JCAD: variants seen among roughly 807,000 people sequenced by gnomAD.
JCAD encodes the protein junctional cadherin 5-associated protein.
Under a neutral mutation model 98.0 loss-of-function variants are expected in JCAD, and 40 were observed. The observed-to-expected ratio is 0.41, with a 90% CI of 0.32 to 0.53. The LOEUF is 0.53. Among genes scored for constraint, JCAD ranks in the 20% least tolerant of loss-of-function variants. JCAD has a pLI of 0.31. For missense variants in JCAD, 1,705 were observed against 1,738.1 expected (o/e 0.98, Z 0.34); for synonymous variants, 691 against 682.3 (o/e 1.01, Z -0.20).
rs1564434488 is a variant in JCAD, at chr10:30,013,931, A to C, written c.*3952T>G. The C allele has an allele frequency of 6.6e-6, 1 of 152,264 alleles. No individual in the cohort carries two copies. Among genetic ancestry groups the C allele is most frequent in the Non-Finnish European group, 1.5e-5 (1 of 68,054 alleles). 9.4% of individuals were successfully genotyped at this position (152,264 alleles called of 1,614,324 possible). Reference sequence around the variant, plus strand: ...TGAACCAAGGACTGTTTCGACAGGCAGGTTGCTAGCCCACATCAACCTTTT... The same window carrying C: ...TGAACCAAGGACTGTTTCGACAGGCCGGTTGCTAGCCCACATCAACCTTTT... On this transcript the variant is annotated 3_prime_UTR_variant, in exon 4 of 4. Coordinates refer to ENST00000375377, the MANE Select transcript of JCAD (RefSeq NM_020848.4).
intron 1 of JCAD, among the ~76,000 whole-genome samples, chr10:30,056,263 A>G (rs903183883): frequency 2.6e-5 from 4 of 152,192 alleles, no homozygotes; most frequent in African/African-American, 9.7e-5. Context: ...TTGTTTTTAA[A>G]TATCTTCAGA....
chr10:30,057,323 ATTTATT>A, intron 1 of JCAD, among the ~76,000 whole-genome samples: 1 of 152,290 alleles, frequency 6.6e-6, no homozygotes, highest in African/African-American at 2.4e-5. Context: ...CATTTCTAGG[ATTTATT>A]TTTAAATTGC....
At chr10:30,020,000 A>AG (rs1274433231) in intron 3 of JCAD, among the ~76,000 whole-genome samples, 1 of 152,020 alleles carries the variant, frequency 6.6e-6, no homozygotes, top group East Asian at 1.9e-4. Flanking sequence ...AAAAAAAAAA[A>AG]AAAAGGAAAT....
intron 1 of JCAD, among the ~76,000 whole-genome samples, chr10:30,048,094 C>T (rs1235323570): frequency 6.6e-6 from 1 of 152,172 alleles, no homozygotes; most frequent in Admixed American, 6.5e-5. Context: ...TGTGGTGGAA[C>T]CCTGAGGACC....
chr10:30,086,509 G>T (rs2132689584), intron 1 of JCAD, among the ~76,000 whole-genome samples: 1 of 152,340 alleles, frequency 6.6e-6, no homozygotes, highest in African/African-American at 2.4e-5. Context: ...CTTCAGCTTT[G>T]CATCTTCAGC....
At chr10:30,022,040 C>T (rs966407297) in intron 3 of JCAD, among the ~76,000 whole-genome samples, 9 of 152,140 alleles carry the variant, frequency 5.9e-5, no homozygotes, top group African/African-American at 1.9e-4. Context: ...ATGATGGAAC[C>T]AGGAGGTTCT....
intron 1 of JCAD, among the ~76,000 whole-genome samples, chr10:30,077,998 A>G (rs1176451612): frequency 6.6e-6 from 1 of 152,228 alleles, no homozygotes; most frequent in Non-Finnish European, 1.5e-5. Flanking sequence ...ACTGTTTTCC[A>G]TAAGGACTGT....
At chr10:30,019,658 A>C (rs1836616340) in intron 3 of JCAD, among the ~76,000 whole-genome samples, 1 of 152,062 alleles carries the variant, frequency 6.6e-6, no homozygotes, top group African/African-American at 2.4e-5. Flanking sequence ...TACAAACCCT[A>C]AGCTATAAGA....
chr10:30,050,914 T>C (rs1193967162), intron 1 of JCAD, among the ~76,000 whole-genome samples: 4 of 152,240 alleles, frequency 2.6e-5, no homozygotes, highest in African/African-American at 9.6e-5. Flanking sequence ...TCATTCATTC[T>C]ATGCTTCCAG....
intron 1 of JCAD, among the ~76,000 whole-genome samples, chr10:30,081,434 G>GT (rs1477052619): frequency 5.3e-5 from 8 of 152,032 alleles, no homozygotes; most frequent in Non-Finnish European, 8.8e-5. Context: ...CCCAATGTTT[G>GT]TTTTTTATTT....
chr10:30,108,273 T>C (rs146442741), intron 1 of JCAD, among the ~76,000 whole-genome samples: 3,223 of 151,350 alleles, frequency 0.021, 53 homozygotes, highest in Non-Finnish European at 0.034. Context: ...GATCATGCCA[T>C]TATGCTCCAA....
At chr10:30,039,738 T>G (rs1455289936) in intron 2 of JCAD, among the ~76,000 whole-genome samples, 1 of 152,068 alleles carries the variant, frequency 6.6e-6, no homozygotes, top group Non-Finnish European at 1.5e-5. Context: ...GTTGGAACGT[T>G]GCCAGGAGAG....
At chr10:30,082,176 A>T (rs1838098305) in intron 1 of JCAD, among the ~76,000 whole-genome samples, 1 of 152,208 alleles carries the variant, frequency 6.6e-6, no homozygotes, top group South Asian at 2.1e-4. Flanking sequence ...CTTGGAACAG[A>T]TGGTAGTTTT....
intron 2 of JCAD, among the ~76,000 whole-genome samples, chr10:30,045,543 G>A (rs1837316993): frequency 6.6e-6 from 1 of 152,178 alleles, no homozygotes; most frequent in Non-Finnish European, 1.5e-5. Flanking sequence ...AATATACTCA[G>A]CAGAAAACTA....
intron 2 of JCAD, among the ~76,000 whole-genome samples, chr10:30,047,022 G>A (rs1307747843): frequency 6.6e-6 from 1 of 152,176 alleles, no homozygotes; most frequent in African/African-American, 2.4e-5. Context: ...AGGAGGTCAA[G>A]GCTGCAGTGA....
intron 1 of JCAD, among the ~76,000 whole-genome samples, chr10:30,076,339 T>G (rs532028295): frequency 6.6e-6 from 1 of 152,318 alleles, no homozygotes; most frequent in East Asian, 1.9e-4. Context: ...CAGGGACTTT[T>G]TGAGCATTTA....
chr10:30,018,024 A>G (rs561341505), intron 3 of JCAD, 107 bp from the exon 4 acceptor site: 9 of 779,430 alleles, frequency 1.2e-5, no homozygotes, highest in Non-Finnish European at 1.9e-5. Context: ...CTACAAGTGT[A>G]TAAAGGTTAA....
chr10:30,033,442 T>G (rs1837043284), intron 2 of JCAD, among the ~76,000 whole-genome samples: 1 of 152,228 alleles, frequency 6.6e-6, no homozygotes, highest in African/African-American at 2.4e-5. Context: ...GTGTGATGCA[T>G]GTTGTCAAAC....
Position 30,014,538 on chromosome 10 carries a change from A to T in JCAD, c.*3345T>A, listed in dbSNP as rs192711138. 6.6e-6 allele frequency: 1 copy of T among 152,336 alleles called. No homozygotes were observed. The highest frequency in any genetic ancestry group is 6.5e-5 in the Admixed American group (1 of 15,304). The allele number at this position is 152,336 out of a possible 1,614,324, so 9.4% of individuals were successfully genotyped here. On this transcript the variant is annotated 3_prime_UTR_variant, in exon 4 of 4. Transcript: ENST00000375377. ...AAACAATAATAAAAAACTCAGCCAG[A>T]ACACGCAAACGTGATCTCTGGGGGT... is the stretch of plus-strand genomic sequence containing the variant.
Sources: gnomAD v4.1 joint callset for allele counts (sites outside exome capture counted in the v4.1 genomes callset) on GRCh38, gnomAD v4.1.1 for gene constraint, MANE v1.5 for transcripts, NCBI Gene and HGNC (gene_info 2026-07-23, HGNC 2026-07-21) for gene names.